The following COL23A1 variants were observed in gnomAD, a reference collection of about 807,000 sequenced individuals.
COL23A1 encodes the protein collagen type XXIII alpha 1 chain.
COL23A1 carries 97 observed loss-of-function variants against 99.3 expected under a neutral mutation model. The observed-to-expected ratio is 0.98, with a 90% CI of 0.83 to 1.16. The LOEUF is 1.16. COL23A1 is among the 50% of genes most tolerant of loss of function. The pLI, the probability that COL23A1 is intolerant of heterozygous loss-of-function variation, is 0.00. For synonymous variants in COL23A1, 320 were observed against 308.2 expected, an observed-to-expected ratio of 1.04 and a Z score of -0.40; for missense variants, 762 against 757.4, an observed-to-expected ratio of 1.01 and a Z score of -0.07.
chr5:178,482,808 A>C (rs1757411214), intron 2 of COL23A1, among the ~76,000 whole-genome samples: 1 of 152,200 alleles, frequency 6.6e-6, no homozygotes, highest in Non-Finnish European at 1.5e-5. Context: ...AGGCTGAGGC[A>C]GGAGAATGGT....
At chr5:178,542,471 C>G (rs1005510791) in intron 2 of COL23A1, among the ~76,000 whole-genome samples, 1 of 152,200 alleles carries the variant, frequency 6.6e-6, no homozygotes, top group African/African-American at 2.4e-5. Context: ...CTCTGCCTTT[C>G]TGCCCCTGAA....
In COL23A1 at chr5:178,418,189, T is replaced by C. The variant is rs374633572; in HGVS notation, c.362-111270A>G. Reference sequence around the variant, plus strand: ...CATAATGTGTAAAATGTGATAATGATAGCACCTACCTCAGGGTGGTGAGGA... The same window carrying C: ...CATAATGTGTAAAATGTGATAATGACAGCACCTACCTCAGGGTGGTGAGGA... On this transcript the variant is annotated intron_variant, in intron 2 of 28. Coordinates refer to ENST00000390654, the MANE Select transcript of COL23A1 (RefSeq NM_173465.4). 1.7e-4 allele frequency among the ~76,000 whole-genome samples: 26 copies of C among 152,354 alleles called. No homozygotes were observed. The South Asian group carries it at 5.4e-3, about 32-fold the overall frequency.
chr5:178,441,773 C>T (rs975934243), intron 2 of COL23A1, among the ~76,000 whole-genome samples: 2 of 152,166 alleles, frequency 1.3e-5, no homozygotes, highest in Non-Finnish European at 2.9e-5. Context: ...TACCACAAAC[C>T]TCATCTGCTT....
intron 1 of COL23A1, among the ~76,000 whole-genome samples, chr5:178,581,686 G>A (rs1053311508): frequency 1.3e-5 from 2 of 152,094 alleles, no homozygotes; most frequent in African/African-American, 4.8e-5. Flanking sequence ...ACCACTGACT[G>A]TACCATTATC....
At chr5:178,538,826 G>A (rs542131997) in intron 2 of COL23A1, among the ~76,000 whole-genome samples, 2 of 152,166 alleles carry the variant, frequency 1.3e-5, no homozygotes, top group Non-Finnish European at 2.9e-5. Flanking sequence ...AAACCCACAT[G>A]TCCATCAACT....
chr5:178,312,162 G>A (rs1420103186), intron 2 of COL23A1, among the ~76,000 whole-genome samples: 1 of 152,234 alleles, frequency 6.6e-6, no homozygotes, highest in Admixed American at 6.5e-5. Flanking sequence ...TGAGCAAAGT[G>A]CAAGGGCAGC....
In COL23A1 at chr5:178,402,690, C is replaced by T. The variant is rs142689581; in HGVS notation, c.362-95771G>A. 6.5e-3 allele frequency among the ~76,000 whole-genome samples: 985 copies of T among 151,590 alleles called. 7 individuals are homozygous for T. The highest frequency in any genetic ancestry group is 0.023 in the African/African-American group (933 of 41,310). On this transcript the variant is annotated intron_variant, in intron 2 of 28. Transcript: ENST00000390654. ...TCACTTGAACCCAGGAGTTCAAATA[C>T]GGCCTGGGACATAGCAAAATCCTGT...
At chr5:178,514,586 A>G (rs1040312847) in intron 2 of COL23A1, among the ~76,000 whole-genome samples, 6 of 152,238 alleles carry the variant, frequency 3.9e-5, no homozygotes, top group African/African-American at 1.4e-4. Flanking sequence ...CACATCCTGA[A>G]GCCACAGGGC....
rs146012861 is a variant in COL23A1 at position 178,503,136 on chromosome 5, C to T, written c.361+57546G>A. Among the ~76,000 whole-genome samples, 119 of 152,342 alleles carry T rather than the reference C, an allele frequency of 7.8e-4. 1 individual carries two copies. Among genetic ancestry groups the T allele is most frequent in the African/African-American group, 2.8e-3 (117 of 41,582 alleles). On this transcript the variant is annotated intron_variant, in intron 2 of 28. Transcript: ENST00000390654. The stretch of plus-strand genomic sequence containing the variant: ...GTGGCTCACGCCTGTAATCCCAGCA[C>T]TTTGGGAGGCCGAGGCGGGTGGATC...
intron 3 of COL23A1, among the ~76,000 whole-genome samples, chr5:178,301,697 T>C (rs942910415): frequency 2.0e-5 from 3 of 152,266 alleles, no homozygotes; most frequent in Non-Finnish European, 2.9e-5. Flanking sequence ...TTTAGCTTAG[T>C]GGTCAGGTTA....
chr5:178,346,906 G>C (rs1260562216), intron 2 of COL23A1, among the ~76,000 whole-genome samples: 1 of 152,208 alleles, frequency 6.6e-6, no homozygotes, highest in Non-Finnish European at 1.5e-5. Context: ...CCCAGCCTTG[G>C]GTTGGCCTGG....
intron 2 of COL23A1, among the ~76,000 whole-genome samples, chr5:178,461,734 T>C (rs1756132780): frequency 1.3e-5 from 2 of 152,142 alleles, no homozygotes; most frequent in South Asian, 2.1e-4. Flanking sequence ...TGTGAGAGGA[T>C]AAAATGAAGT....
chr5:178,562,030 G>T, intron 1 of COL23A1: 1 of 521,584 alleles, frequency 1.9e-6, no homozygotes, highest in Non-Finnish European at 3.7e-6. Flanking sequence ...AGTTACCACG[G>T]TCAAAGTGTG....
At position 178,259,728 on chromosome 5, in the gene COL23A1, C is replaced by A; in HGVS notation, c.722G>T (p.Gly241Val). Residue 241 changes from glycine to valine, a missense_variant, in exon 12 of 29, where the codon GGA becomes GTA. Gly to Val is a moderately radical substitution (Grantham distance 109). Transcript: ENST00000390654. The part of the protein sequence containing the change: ...PGPKGEPGVP[G>V]KKGDDGTPSQ... ...TCCATTGGCCCCTCTCACCTTCTTT[C>A]CAGGTACTCCAGGCTCACCCTGGGG... The A allele has an allele frequency of 6.2e-7, 1 of 1,601,252 alleles. No homozygotes were observed.
At chr5:178,263,135 G>A in intron 9 of COL23A1, 73 bp downstream of exon 9, 1 of 1,073,656 alleles carries the variant, frequency 9.3e-7, no homozygotes, top group Non-Finnish European at 1.5e-6. Flanking sequence ...GGATGGGGAT[G>A]GGGCTGGCTC....
intron 2 of COL23A1, among the ~76,000 whole-genome samples, chr5:178,422,173 T>C (rs192500538): frequency 1.9e-4 from 29 of 152,220 alleles, no homozygotes; most frequent in Middle Eastern, 3.4e-3. Flanking sequence ...AGTGTCTGGA[T>C]AATAGGTGAG....
At chr5:178,409,018 A>G (rs72822873) in intron 2 of COL23A1, among the ~76,000 whole-genome samples, 5,387 of 119,090 alleles carry the variant, frequency 0.045, 174 homozygotes, top group Non-Finnish European at 0.066. Flanking sequence ...ACACACACAC[A>G]CACATCATGT....
At chr5:178,311,716 GT>G (rs1758690458) in intron 2 of COL23A1, among the ~76,000 whole-genome samples, 2 of 58,986 alleles carry the variant, frequency 3.4e-5, no homozygotes, top group Non-Finnish European at 8.1e-5. Context: ...CTGTGTAACT[GT>G]TTTTTGTTTT....
rs751501626 is a variant in COL23A1 at position 178,242,044 on chromosome 5, C to A, written c.1579G>T (p.Val527Leu). ...CAGGGCCCTCCTCCGACACCTACCA[C>A]GGGACACGGCTGGTCCAGGCCTGGT... ...GPPGLDQPCPVGPDGLPVPGC... is the reference protein window; with the variant it reads ...GPPGLDQPCPLGPDGLPVPGC... The change falls in exon 27 of 29, where the codon GTG becomes TTG. Residue 527 changes from valine (V) to leucine (L), a missense_variant and splice_region_variant. Coordinates refer to ENST00000390654, the MANE Select transcript of COL23A1 (RefSeq NM_173465.4). 1 of 1,553,706 alleles carries A rather than the reference C, an allele frequency of 6.4e-7. No individual in the cohort carries two copies. The highest frequency in any genetic ancestry group is 1.4e-5 in the African/African-American group (1 of 73,386).
Sources: gnomAD v4.1 joint callset for allele counts (sites outside exome capture counted in the v4.1 genomes callset) on GRCh38, gnomAD v4.1.1 for gene constraint, MANE v1.5 for transcripts, NCBI Gene and HGNC (gene_info 2026-07-23, HGNC 2026-07-21) for gene names.